Variants in SORBS2 observed in about 807,000 individuals in gnomAD.
SORBS2 encodes the protein sorbin and SH3 domain-containing protein 2.
SORBS2 carries 46 observed loss-of-function variants against 97.7 expected under a neutral mutation model. The ratio of observed to expected loss-of-function variants is 0.47; its 90% CI spans 0.37 to 0.60. The LOEUF (loss-of-function observed/expected upper bound fraction) is 0.60. Ranked by LOEUF, SORBS2 falls within the 20% of genes least tolerant of loss-of-function variation. The probability of loss-of-function intolerance (pLI) is 0.00; values close to 1 mark genes in which losing one functional copy is unlikely to be tolerated. For missense variants in SORBS2, 1,316 were observed against 1,282.3 expected (o/e 1.03, Z -0.40); for synonymous variants, 476 against 473.4 (o/e 1.01, Z -0.07).
At chr4:185,786,609 A>G (rs1431769906) in intron 1 of SORBS2, among the ~76,000 whole-genome samples, 2 of 152,204 alleles carry the variant, frequency 1.3e-5, no homozygotes, top group East Asian at 3.8e-4. Context: ...CTCCCATGGC[A>G]AGCCATGTCA....
chr4:185,642,674 G>A lies in SORBS2; in HGVS notation c.396+3994C>T, dbSNP rs1346036768. On this transcript the variant is annotated intron_variant, in intron 4 of 14. Coordinates refer to ENST00000418609, the Ensembl canonical transcript of SORBS2. ...GAGTATTTATGAGCTTCAAAAAAGT[G>A]CGCTCACTTTTACTTTCCCTGTTAA... is the stretch of plus-strand genomic sequence containing the variant. Among the ~76,000 whole-genome samples, 4 of 152,248 alleles carry A rather than the reference G, an allele frequency of 2.6e-5. No homozygotes were observed. The East Asian group carries it at 5.8e-4, about 22-fold the overall frequency.
In SORBS2 at chr4:185,641,809, G is replaced by A. The variant is rs1478480461; in HGVS notation, c.396+4859C>T. 6.1e-4 allele frequency among the ~76,000 whole-genome samples: 91 copies of A among 149,510 alleles called. 1 individual carries two copies. The highest frequency in any genetic ancestry group is 1.3e-4 in the Non-Finnish European group (9 of 67,744). ...CAAACCTCCGTTTAAAACTAACTTTGTTAGTCATCAGTGCAAGAGGACGTG... is the reference window on the plus strand; with the variant it reads ...CAAACCTCCGTTTAAAACTAACTTTATTAGTCATCAGTGCAAGAGGACGTG... On this transcript the variant is annotated intron_variant, in intron 4 of 14. Transcript: ENST00000418609.
chr4:185,626,730 T>G, intron 6 of SORBS2, 102 bp downstream of exon 18: 1 of 1,070,792 alleles, frequency 9.3e-7, no homozygotes, highest in Non-Finnish European at 1.4e-6. Flanking sequence ...ACACTGTAGG[T>G]GAGAGCTGGC....
At chr4:185,723,744 GT>G (rs2098534771) in intron 2 of SORBS2, among the ~76,000 whole-genome samples, 2 of 152,160 alleles carry the variant, frequency 1.3e-5, no homozygotes, top group South Asian at 4.1e-4. Context: ...CACTATCTCT[GT>G]GGAGTTGAGG....
Position 185,684,681 on chromosome 4 carries a change from G to A in SORBS2, c.-197-5859C>T, listed in dbSNP as rs919324211. On this transcript the variant is annotated intron_variant, in intron 2 of 20. Coordinates refer to the SORBS2 transcript ENST00000284776. This position sits in a 1 kb window ranked among gnomAD's most constrained non-coding sequence, Gnocchi z 4.2. ...GATCTCATTTTCCTTTGCTTTTTAC[G>A]TTTAGAACAAAAACAGTCAGAAGAG... 22 of 1,101,558 alleles carry A rather than the reference G, an allele frequency of 2.0e-5. No individual in the cohort carries two copies. Among genetic ancestry groups the A allele is most frequent in the Admixed American group, 4.8e-5 (2 of 41,348 alleles). The allele number at this position is 1,101,558 out of a possible 1,614,324, so 68.2% of individuals were successfully genotyped here. A position where few individuals can be genotyped will look rare whatever the true frequency, so the allele number is the denominator to read the frequency against.
chr4:185,710,156 C>A (rs34609453), intron 2 of SORBS2, among the ~76,000 whole-genome samples: 36,247 of 114,116 alleles, frequency 0.32, 5,310 homozygotes, highest in South Asian at 0.48. Context: ...TGCTTTCACT[C>A]GATGTTAATC....
At chr4:185,614,238 T>C (rs1384984028) in intron 11 of SORBS2, among the ~76,000 whole-genome samples, 3 of 139,124 alleles carry the variant, frequency 2.2e-5, no homozygotes, top group Non-Finnish European at 4.5e-5. Context: ...ATTACAGGCG[T>C]GAGCCACCAT....
chr4:185,675,954 G>A (rs2097784245), intron 4 of SORBS2, among the ~76,000 whole-genome samples: 1 of 152,046 alleles, frequency 6.6e-6, no homozygotes, highest in Admixed American at 6.5e-5. Flanking sequence ...GTTATCTTTT[G>A]GAGATTTTCT....
At chr4:185,924,763 C>T (rs915946526) in intron 1 of SORBS2, among the ~76,000 whole-genome samples, 4 of 152,224 alleles carry the variant, frequency 2.6e-5, no homozygotes, top group Non-Finnish European at 4.4e-5. Flanking sequence ...ACTTTGCTGC[C>T]GCACAGCGAG....
intron 2 of SORBS2, among the ~76,000 whole-genome samples, chr4:185,731,798 A>C (rs541196864): frequency 3.2e-3 from 90 of 28,304 alleles, no homozygotes; most frequent in Admixed American, 4.0e-3. Flanking sequence ...CTCCCTGCCT[A>C]TCTCTTTCCC....
chr4:185,623,256 C>G lies in SORBS2; in HGVS notation c.1873G>C (p.Ala625Pro), dbSNP rs765619085. The change falls in exon 7 of 15, where the codon GCA becomes CCA. Residue 625 changes from alanine (A) to proline (P), a missense_variant. By Grantham distance (27) the Ala-to-Pro change is conservative (BLOSUM62 -1). Coordinates refer to ENST00000418609, the Ensembl canonical transcript of SORBS2. The surrounding 1 kb of genome is among the most constrained non-coding windows in gnomAD (Gnocchi z 6.4). ...TCAAACACAGATGCTTTACATTTTG[C>G]CTTTTCAGTCTGTTTCTTAGGAGCC... 1.2e-6 allele frequency: 2 copies of G among 1,614,104 alleles called. No homozygotes were observed. Among genetic ancestry groups the G allele is most frequent in the South Asian group, 1.1e-5 (1 of 91,076 alleles).
intron 1 of SORBS2, among the ~76,000 whole-genome samples, chr4:185,939,395 C>A (rs1217287642): frequency 6.6e-6 from 1 of 152,222 alleles, no homozygotes; most frequent in Non-Finnish European, 1.5e-5. Flanking sequence ...AATACTTCCA[C>A]CTTAACCAAA....
chr4:185,649,564 G>C, exon 3 of SORBS2: 5 of 1,605,718 alleles, frequency 3.1e-6, no homozygotes, highest in Non-Finnish European at 4.3e-6. Context: ...AAGGCATTGG[G>C]GCTGTTGTCG....
At chr4:185,799,872 A>T (rs2099122299) in intron 1 of SORBS2, among the ~76,000 whole-genome samples, 1 of 152,120 alleles carries the variant, frequency 6.6e-6, no homozygotes, top group Non-Finnish European at 1.5e-5. Context: ...CGGCTTTCTA[A>T]ACCAGAACTC....
chr4:185,913,417 A>C (rs1561295279), intron 1 of SORBS2, among the ~76,000 whole-genome samples: 1 of 152,230 alleles, frequency 6.6e-6, no homozygotes, highest in Non-Finnish European at 1.5e-5. Context: ...CCAACATCTG[A>C]ACTTTTAAAA....
chr4:185,825,691 A>C (rs556026888), intron 1 of SORBS2, among the ~76,000 whole-genome samples: 1 of 152,296 alleles, frequency 6.6e-6, no homozygotes, highest in Non-Finnish European at 1.5e-5. Context: ...TCCTGTGCAC[A>C]GGCCTGTGGG....
At chr4:185,954,059 T>G (rs1055934726) in intron 1 of SORBS2, among the ~76,000 whole-genome samples, 1 of 152,270 alleles carries the variant, frequency 6.6e-6, no homozygotes, top group African/African-American at 2.4e-5. Flanking sequence ...AAGATTATAA[T>G]CTGCCTGTTC....
chr4:185,834,314 T>C (rs1033560477), intron 1 of SORBS2, among the ~76,000 whole-genome samples: 4 of 152,054 alleles, frequency 2.6e-5, no homozygotes, highest in South Asian at 2.1e-4. Context: ...ACCTCCAACA[T>C]TGAGGATTAC....
At chr4:185,949,590 T>C (rs1277873083) in intron 1 of SORBS2, among the ~76,000 whole-genome samples, 1 of 152,052 alleles carries the variant, frequency 6.6e-6, no homozygotes, top group Non-Finnish European at 1.5e-5. Context: ...CCCTCTGACA[T>C]GTTTTAAGGG....
Sources: gnomAD v4.1 joint callset for allele counts (sites outside exome capture counted in the v4.1 genomes callset) on GRCh38, gnomAD v4.1.1 for gene constraint, Gnocchi (gnomAD v3.1) non-coding constraint, MANE v1.5 for transcripts, NCBI Gene and HGNC (gene_info 2026-07-23, HGNC 2026-07-21) for gene names.